The following CDKL4 variants were observed in gnomAD, a reference collection of about 807,000 sequenced individuals.
CDKL4 encodes the protein cyclin-dependent kinase-like 4.
Under a neutral mutation model 42.0 loss-of-function variants are expected in CDKL4, and 44 were observed. The observed-to-expected ratio is 1.05, with a 90% CI of 0.82 to 1.35. The LOEUF is 1.35. Among genes scored for constraint, CDKL4 ranks in the 40% most tolerant of loss-of-function variants. The probability of loss-of-function intolerance (pLI) is 0.00; values close to 1 mark genes in which losing one functional copy is unlikely to be tolerated. For missense variants in CDKL4, 393 were observed against 369.9 expected, an observed-to-expected ratio of 1.06 and a Z score of -0.51; for synonymous variants, 120 against 121.6, an observed-to-expected ratio of 0.99 and a Z score of 0.09.
At chr2:39,242,195 G>A (rs1679697144) in intron 1 of CDKL4, among the ~76,000 whole-genome samples, 2 of 152,036 alleles carry the variant, frequency 1.3e-5, no homozygotes, top group Non-Finnish European at 2.9e-5. Context: ...ACAGGCATGT[G>A]CCACCATGCC....
intron 1 of CDKL4, among the ~76,000 whole-genome samples, chr2:39,230,655 A>G (rs1420223658): frequency 6.6e-6 from 1 of 152,216 alleles, no homozygotes; most frequent in Non-Finnish European, 1.5e-5. Context: ...TTAGTCTCAA[A>G]AACCCCACCC....
intron 6 of CDKL4, among the ~76,000 whole-genome samples, chr2:39,187,933 TG>T (rs1413612668): frequency 1.3e-5 from 2 of 151,738 alleles, no homozygotes; most frequent in Non-Finnish European, 2.9e-5. Context: ...CCAAGCGTGG[TG>T]GTCCATGCCT....
At chr2:39,233,894 AT>A (rs1679219287) in intron 1 of CDKL4, among the ~76,000 whole-genome samples, 1 of 145,200 alleles carries the variant, frequency 6.9e-6, no homozygotes, top group Non-Finnish European at 1.5e-5. Context: ...ATATATATAT[AT>A]ATAAATTTTA....
downstream of CDKL4, among the ~76,000 whole-genome samples, chr2:39,173,471 G>A (rs149818245): frequency 0.014 from 2,101 of 152,174 alleles, 22 homozygotes; most frequent in Non-Finnish European, 0.022. Context: ...GAGCCCAGGA[G>A]TTTGAGATCA....
downstream of CDKL4, among the ~76,000 whole-genome samples, chr2:39,171,751 A>C (rs1675005066): frequency 1.3e-5 from 2 of 152,220 alleles, no homozygotes; most frequent in Non-Finnish European, 1.5e-5. Context: ...GTGTGTGTGG[A>C]AAGTCTGAGG....
chr2:39,209,128 A>C (rs1677409944), intron 4 of CDKL4, among the ~76,000 whole-genome samples: 1 of 147,522 alleles, frequency 6.8e-6, no homozygotes, highest in Admixed American at 6.7e-5. Flanking sequence ...CAATGAGACT[A>C]TCTCTACAAA....
At chr2:39,246,945 A>G (rs567909168), upstream of CDKL4, among the ~76,000 whole-genome samples, 1 of 152,224 alleles carries the variant, frequency 6.6e-6, no homozygotes, top group Non-Finnish European at 1.5e-5. Flanking sequence ...GAGACTTGCT[A>G]TGTAACTCAG....
At chr2:39,191,485 T>C (rs1326885635) in intron 5 of CDKL4, among the ~76,000 whole-genome samples, 1 of 152,234 alleles carries the variant, frequency 6.6e-6, no homozygotes, top group Admixed American at 6.5e-5. Context: ...GAAACCTTGA[T>C]GGCAGATGTC....
At chr2:39,202,009 A>C (rs980140703) in intron 5 of CDKL4, among the ~76,000 whole-genome samples, 8 of 152,146 alleles carry the variant, frequency 5.3e-5, no homozygotes, top group Non-Finnish European at 1.2e-4. Context: ...AGGCAGGCAG[A>C]TGACTTGAGC....
downstream of CDKL4, among the ~76,000 whole-genome samples, chr2:39,174,423 G>A (rs1275515746): frequency 6.6e-6 from 1 of 150,910 alleles, no homozygotes; most frequent in Non-Finnish European, 1.5e-5. Context: ...CCCTTCCCGT[G>A]AACAAAAAAC....
At chr2:39,196,735 G>T (rs1355794001) in intron 5 of CDKL4, among the ~76,000 whole-genome samples, 1 of 152,118 alleles carries the variant, frequency 6.6e-6, no homozygotes, top group Non-Finnish European at 1.5e-5. Flanking sequence ...AGCCTCCCAA[G>T]TAGCTGGGAC....
At chr2:39,209,038 T>C (rs1677400206) in intron 4 of CDKL4, among the ~76,000 whole-genome samples, 1 of 151,386 alleles carries the variant, frequency 6.6e-6, no homozygotes, top group South Asian at 2.1e-4. Flanking sequence ...TGGTGGCTCA[T>C]GCTTGTAATC....
rs866862692 is a variant in CDKL4 at position 39,214,174 on chromosome 2, C to T, written c.291-702G>A. ...TCGACCTCAGATGATCCACCTGCCT[C>T]GCCCTCCTAAAGTGCTTGGATTACA... is the stretch of plus-strand genomic sequence containing the variant. On this transcript the variant is annotated intron_variant, in intron 3 of 9. Coordinates refer to ENST00000451199, the Ensembl canonical transcript of CDKL4. Among the ~76,000 whole-genome samples the T allele has an allele frequency of 3.9e-5, 6 of 152,138 alleles. No homozygotes were observed. In the South Asian group the frequency reaches 8.3e-4, roughly 21 times the overall value.
At chr2:39,239,425 C>T (rs1679539222) in intron 1 of CDKL4, among the ~76,000 whole-genome samples, 1 of 152,084 alleles carries the variant, frequency 6.6e-6, no homozygotes, top group Admixed American at 6.5e-5. Context: ...AAAGCTAAGC[C>T]ACAGACTAAA....
downstream of CDKL4, among the ~76,000 whole-genome samples, chr2:39,175,058 G>A (rs183600977): frequency 2.0e-5 from 3 of 152,092 alleles, no homozygotes; most frequent in East Asian, 5.8e-4. Context: ...TTTTGTAAGA[G>A]ATATGAAATA....
intron 1 of CDKL4, among the ~76,000 whole-genome samples, chr2:39,232,429 C>G (rs6707666): frequency 0.077 from 11,681 of 152,204 alleles, 1,545 homozygotes; most frequent in African/African-American, 0.27. Flanking sequence ...GACCAACTAT[C>G]CAACTGCTTG....
intron 8 of CDKL4, among the ~76,000 whole-genome samples, chr2:39,183,348 G>A (rs1675549689): frequency 6.6e-6 from 1 of 152,168 alleles, no homozygotes. Context: ...AAGATAGGGT[G>A]TGGTCCATGA....
At chr2:39,202,603 T>C (rs1407601948) in intron 5 of CDKL4, among the ~76,000 whole-genome samples, 4 of 152,156 alleles carry the variant, frequency 2.6e-5, no homozygotes, top group African/African-American at 9.7e-5. Flanking sequence ...GAAATCACTG[T>C]TAAATCCAAT....
intron 1 of CDKL4, among the ~76,000 whole-genome samples, chr2:39,238,240 G>A (rs958621927): frequency 3.3e-5 from 5 of 152,056 alleles, no homozygotes; most frequent in Non-Finnish European, 2.9e-5. Flanking sequence ...AGACAAGCCC[G>A]GTCAACATAG....
Sources: gnomAD v4.1 joint callset for allele counts (sites outside exome capture counted in the v4.1 genomes callset) on GRCh38, gnomAD v4.1.1 for gene constraint, MANE v1.5 for transcripts, NCBI Gene and HGNC (gene_info 2026-07-23, HGNC 2026-07-21) for gene names.